The following FAM83B variants were observed in gnomAD, a reference collection of about 807,000 sequenced individuals.
The protein encoded by FAM83B is scaffolding CK1 anchoring protein B.
A neutral mutation model predicts 38.8 loss-of-function variants in FAM83B; 26 were observed. That is an observed-to-expected ratio of 0.67 (90% CI 0.49 to 0.93). The LOEUF (loss-of-function observed/expected upper bound fraction) is 0.93, where lower values mean the gene tolerates loss of function less well. Ranked by LOEUF, FAM83B falls within the 40% of genes least tolerant of loss-of-function variation. FAM83B has a pLI of 0.00. For synonymous variants in FAM83B, 419 were observed against 423.1 expected (o/e 0.99, Z 0.12); for missense variants, 1,237 against 1,197.3 (o/e 1.03, Z -0.49).
At chr6:54,881,047 T>A (rs552105535) in intron 2 of FAM83B, among the ~76,000 whole-genome samples, 1 of 152,354 alleles carries the variant, frequency 6.6e-6, no homozygotes, top group East Asian at 1.9e-4. Context: ...GGATTTTTCT[T>A]ACAATAAAAT....
chr6:54,941,103 A>G lies in FAM83B; in HGVS notation c.2132A>G (p.His711Arg), dbSNP rs1423169490. ...TTGCTGAAAAGTTCTAAAAGCATGC[A>G]CAATGTGACTCATAACTTGGAGGAG... ...EDLLKSSKSM[H>R]NVTHNLEEDE... Residue 711 changes from histidine (H) to arginine (R), a missense_variant, in exon 5 of 5, where the codon CAC (histidine) becomes CGC (arginine). By Grantham distance (29) the His-to-Arg change is conservative (BLOSUM62 0). Coordinates refer to ENST00000306858, the MANE Select transcript of FAM83B (RefSeq NM_001010872.3). The G allele has an allele frequency of 6.2e-7, 1 of 1,613,484 alleles. No individual in the cohort carries two copies. Among genetic ancestry groups the G allele is most frequent in the Non-Finnish European group, 8.5e-7 (1 of 1,179,846 alleles).
At position 54,879,217 on chromosome 6, in the gene FAM83B, A is replaced by G. The variant is rs1772068100; in HGVS notation, c.444+8527A>G. Among the ~76,000 whole-genome samples the G allele has an allele frequency of 3.9e-5, 6 of 152,338 alleles. No homozygotes were observed. The South Asian group carries it at 1.2e-3, about 32-fold the overall frequency. On this transcript the variant is annotated intron_variant, in intron 2 of 4. Coordinates refer to ENST00000306858, the MANE Select transcript of FAM83B (RefSeq NM_001010872.3). ...TAGATGAGGGTTCACATTGGAACCC[A>G]AATAGACTGACTTGGAGAACAGTCC... is the stretch of plus-strand genomic sequence containing the variant.
chr6:54,908,032 TG>T (rs565360977), intron 2 of FAM83B, among the ~76,000 whole-genome samples: 2 of 150,854 alleles, frequency 1.3e-5, no homozygotes, highest in Non-Finnish European at 3.0e-5. Flanking sequence ...ATTTAGAGGA[TG>T]AAAAAAAAGT....
At chr6:54,889,214 G>T (rs1166870822) in intron 2 of FAM83B, among the ~76,000 whole-genome samples, 1 of 151,920 alleles carries the variant, frequency 6.6e-6, no homozygotes, top group Non-Finnish European at 1.5e-5. Context: ...ACCAATGTCT[G>T]CATTACCTGT....
intron 2 of FAM83B, among the ~76,000 whole-genome samples, chr6:54,898,756 A>G (rs754592079): frequency 1.1e-4 from 17 of 152,146 alleles, no homozygotes; most frequent in Non-Finnish European, 2.4e-4. Context: ...TGTTGATTCT[A>G]TCACCAGCAT....
intron 2 of FAM83B, among the ~76,000 whole-genome samples, chr6:54,882,005 C>T (rs954064801): frequency 1.3e-5 from 2 of 152,200 alleles, no homozygotes; most frequent in Non-Finnish European, 2.9e-5. Flanking sequence ...TGAGTGAGAA[C>T]ATGCGGTGTC....
intron 4 of FAM83B, among the ~76,000 whole-genome samples, chr6:54,930,577 A>G (rs1486389898): frequency 6.6e-6 from 1 of 152,064 alleles, no homozygotes; most frequent in African/African-American, 2.4e-5. Flanking sequence ...TTAATGTGGG[A>G]TGGAACTCTA....
At chr6:54,938,359 T>A (rs1773566815) in intron 4 of FAM83B, among the ~76,000 whole-genome samples, 1 of 152,202 alleles carries the variant, frequency 6.6e-6, no homozygotes. Context: ...ATATAATAAC[T>A]TCTTTTCCTC....
At chr6:54,870,774 A>G (rs1190106495) in intron 2 of FAM83B, 84 bp downstream of exon 2, 3 of 1,279,296 alleles carry the variant, frequency 2.3e-6, no homozygotes, top group African/African-American at 1.5e-5. Context: ...GTATGTTAAT[A>G]AAAGAATCTC....
At chr6:54,865,882 C>A (rs1206626314) in intron 1 of FAM83B, among the ~76,000 whole-genome samples, 1 of 151,860 alleles carries the variant, frequency 6.6e-6, no homozygotes, top group Non-Finnish European at 1.5e-5. Flanking sequence ...AAAAACATCT[C>A]TTTTCAAATC....
chr6:54,902,791 T>A (rs1772691009), intron 2 of FAM83B, among the ~76,000 whole-genome samples: 1 of 151,588 alleles, frequency 6.6e-6, no homozygotes. Flanking sequence ...AAGACAGAAT[T>A]TTTCAAGGAG....
At chr6:54,854,975 C>T (rs1374986604) in intron 1 of FAM83B, among the ~76,000 whole-genome samples, 1 of 152,092 alleles carries the variant, frequency 6.6e-6, no homozygotes, top group Non-Finnish European at 1.5e-5. Context: ...ACCAAAGGGC[C>T]GCTTCTCTTG....
Position 54,942,730 on chromosome 6 carries a change from T to TTTTTTTTTTTTTTTTTTTTTTTGAGACGG in FAM83B, c.*723_*724insTTTTTTTTTTTTTTTTTTTTTTGAGACGG, listed in dbSNP as rs1561934810. ...TCTTACCCATAGGCTGCTGATTTTT[T>TTTTTTTTTTTTTTTTTTTTTTTGAGACGG]ATAGTCATTCCTTACTTCACATTTA... On this transcript the variant is annotated 3_prime_UTR_variant, in exon 5 of 5. Transcript: ENST00000306858. Among the ~76,000 whole-genome samples, 1 of 151,864 alleles carries TTTTTTTTTTTTTTTTTTTTTTTGAGACGG rather than the reference T, an allele frequency of 6.6e-6. No individual in the cohort carries two copies. The highest frequency in any genetic ancestry group is 2.4e-5 in the African/African-American group (1 of 41,190).
At chr6:54,872,731 C>T (rs1475477941) in intron 2 of FAM83B, among the ~76,000 whole-genome samples, 1 of 152,144 alleles carries the variant, frequency 6.6e-6, no homozygotes, top group East Asian at 1.9e-4. Context: ...ATATCTTCTA[C>T]CCGGTCACTG....
intron 2 of FAM83B, among the ~76,000 whole-genome samples, chr6:54,920,802 T>C (rs958648208): frequency 1.3e-5 from 2 of 151,928 alleles, no homozygotes; most frequent in Non-Finnish European, 2.9e-5. Context: ...TATGACTCAG[T>C]AGAACTTAGA....
chr6:54,846,600 CT>C (rs1291020427), upstream of FAM83B, among the ~76,000 whole-genome samples: 1 of 152,160 alleles, frequency 6.6e-6, no homozygotes, highest in African/African-American at 2.4e-5. Flanking sequence ...CGTGCCACCA[CT>C]TGGGACTTGT....
rs1771825725 is a variant in FAM83B at position 54,870,590 on chromosome 6, TC to T, written c.345del (p.Leu116Ter). ...DLGWPYVMPG[L>X]LGGTHIDLLF... ...GGCTGGCCATATGTGATGCCCGGAC[TC>T]TTAGGGGGCACCCATATAGATCTCC... is the stretch of plus-strand genomic sequence containing the variant. On this transcript the variant is annotated frameshift_variant, in exon 2 of 5. Coordinates refer to ENST00000306858, the MANE Select transcript of FAM83B (RefSeq NM_001010872.3). LOFTEE classifies it high-confidence loss of function. 3 of 1,614,012 alleles carry T rather than the reference TC, an allele frequency of 1.9e-6. No individual in the cohort carries two copies. The highest frequency in any genetic ancestry group is 2.5e-6 in the Non-Finnish European group (3 of 1,179,956).
intron 4 of FAM83B, among the ~76,000 whole-genome samples, chr6:54,932,633 C>G (rs946453194): frequency 6.6e-6 from 1 of 151,414 alleles, no homozygotes; most frequent in African/African-American, 2.4e-5. Context: ...AAAAGATTCA[C>G]TTTAGCATTT....
chr6:54,881,261 T>C (rs1490682163), intron 2 of FAM83B, among the ~76,000 whole-genome samples: 1 of 152,202 alleles, frequency 6.6e-6, no homozygotes, highest in Non-Finnish European at 1.5e-5. Context: ...CTCATCCCTC[T>C]ACCTCTTAGC....
Sources: allele counts gnomAD v4.1 joint callset (sites outside exome capture counted in the v4.1 genomes callset), GRCh38; gene constraint gnomAD v4.1.1; transcripts MANE v1.5; gene names NCBI Gene and HGNC (gene_info 2026-07-23, HGNC 2026-07-21).